SCUBE1: variants seen among roughly 807,000 people sequenced by gnomAD.
SCUBE1 encodes signal peptide, CUB and EGF-like domain-containing protein 1.
SCUBE1 carries 59 observed loss-of-function variants against 124.4 expected under a neutral mutation model. The observed-to-expected ratio is 0.47, with a 90% CI of 0.38 to 0.59. The LOEUF (loss-of-function observed/expected upper bound fraction) is 0.59, where lower values mean the gene tolerates loss of function less well. Ranked by LOEUF, SCUBE1 falls within the 20% of genes least tolerant of loss-of-function variation. The pLI is 0.00. For missense variants in SCUBE1, 1,150 were observed against 1,371.2 expected, an observed-to-expected ratio of 0.84 and a Z score of 2.55; for synonymous variants, 545 against 550.9, an observed-to-expected ratio of 0.99 and a Z score of 0.15.
chr22:43,293,800 T>TAAAGCAAACCA (rs1359571644), intron 3 of SCUBE1, among the ~76,000 whole-genome samples: 1 of 152,198 alleles, frequency 6.6e-6, no homozygotes, highest in African/African-American at 2.4e-5. Flanking sequence ...GGTCCGACTG[T>TAAAGCAAACCA]AAAGCAAACC....
chr22:43,214,048 C>CCCCCCCCCCCCCCCCCCCCCCCCCTCT, intron 16 of SCUBE1, 42 bp downstream of exon 16: 1 of 227,744 alleles, frequency 4.4e-6, no homozygotes, highest in Admixed American at 6.5e-5. Flanking sequence ...GGAGCCCCCG[C>CCCCCCCCCCCCCCCCCCCCCCCCCTCT]CCACCCCCCA....
intron 2 of SCUBE1, among the ~76,000 whole-genome samples, chr22:43,323,463 T>C (rs1331756731): frequency 6.6e-6 from 1 of 152,116 alleles, no homozygotes; most frequent in Non-Finnish European, 1.5e-5. Flanking sequence ...CAATCACCTA[T>C]TCACCCATCC....
intron 2 of SCUBE1, among the ~76,000 whole-genome samples, chr22:43,335,850 A>G (rs544012350): frequency 0.013 from 1,852 of 145,194 alleles, 42 homozygotes; most frequent in African/African-American, 0.045. Context: ...GATAATGATG[A>G]TGGTGGTGAT....
chr22:43,335,994 A>G (rs1410261166), intron 2 of SCUBE1, among the ~76,000 whole-genome samples: 1 of 151,854 alleles, frequency 6.6e-6, no homozygotes, highest in Non-Finnish European at 1.5e-5. Context: ...GATGATGATA[A>G]TGATGATGGT....
In SCUBE1 at chr22:43,200,624, C is replaced by CA. The variant is rs1328136084; in HGVS notation, c.*3372dup. 6.6e-6 allele frequency: 1 copy of CA among 152,386 alleles called. No individual in the cohort carries two copies. The highest frequency in any genetic ancestry group is 2.4e-5 in the African/African-American group (1 of 41,484). The allele number at this position is 152,386 out of a possible 1,614,324, so 9.4% of individuals were successfully genotyped here. On this transcript the variant is annotated 3_prime_UTR_variant, in exon 22 of 22. Transcript: ENST00000360835. ...CAGCTGTAGTTTAACGGGGGACCCCCAAGTTCCCTGGTGTGAGACTGATGT... is the reference window on the plus strand; with the variant it reads ...CAGCTGTAGTTTAACGGGGGACCCCCAAAGTTCCCTGGTGTGAGACTGATGT...
At chr22:43,304,548 C>T (rs1925895531) in intron 3 of SCUBE1, among the ~76,000 whole-genome samples, 1 of 152,012 alleles carries the variant, frequency 6.6e-6, no homozygotes. Context: ...AGGACCAGTG[C>T]AGAGAAAGGT....
At chr22:43,342,721 G>C (rs1927365410) in intron 1 of SCUBE1, among the ~76,000 whole-genome samples, 1 of 151,480 alleles carries the variant, frequency 6.6e-6, no homozygotes, top group South Asian at 2.1e-4. Flanking sequence ...TCTTCTGTCC[G>C]TCTGTCCCGC....
rs983088565 is a variant in SCUBE1, at chr22:43,234,897, C to T, written c.845-3022G>A. On this transcript the variant is annotated intron_variant, in intron 7 of 21. Coordinates refer to ENST00000360835, the MANE Select transcript of SCUBE1 (RefSeq NM_173050.5). The surrounding 1 kb of genome is among the most constrained non-coding windows in gnomAD (Gnocchi z 4.4). ...CCAGGCTGCTTGGCTCCTGCCCTGG[C>T]AGCCTGGACTCCAGTGACCGCACCC... is the stretch of plus-strand genomic sequence containing the variant. 6.6e-6 allele frequency among the ~76,000 whole-genome samples: 1 copy of T among 152,176 alleles called. No individual in the cohort carries two copies. Among genetic ancestry groups the T allele is most frequent in the Non-Finnish European group, 1.5e-5 (1 of 68,020 alleles).
chr22:43,331,256 T>C (rs958729021), intron 2 of SCUBE1, among the ~76,000 whole-genome samples: 12 of 152,202 alleles, frequency 7.9e-5, no homozygotes, highest in African/African-American at 1.2e-4. Flanking sequence ...ATTATTTACA[T>C]TCATTACATA....
At chr22:43,331,690 G>C (rs1297642142) in intron 2 of SCUBE1, among the ~76,000 whole-genome samples, 2 of 152,188 alleles carry the variant, frequency 1.3e-5, no homozygotes, top group Admixed American at 1.3e-4. Flanking sequence ...TGAAAACAAG[G>C]CAATTAAGGT....
chr22:43,306,444 G>A lies in SCUBE1; in HGVS notation c.349+13493C>T, dbSNP rs113684066. Among the ~76,000 whole-genome samples the A allele has an allele frequency of 3.1e-3, 470 of 152,216 alleles. 1 individual carries two copies. The highest frequency in any genetic ancestry group is 6.8e-3 in the Middle Eastern group (2 of 294). ...TATTCTCTGCTCTGAGACAGAGCGG[G>A]GCTTCTTCCTCAAGCCACCAAATTG... On this transcript the variant is annotated intron_variant, in intron 3 of 21. Transcript: ENST00000360835.
chr22:43,203,773 G>T lies in SCUBE1; in HGVS notation c.*224C>A. On this transcript the variant is annotated 3_prime_UTR_variant, in exon 22 of 22. Coordinates refer to ENST00000360835, the MANE Select transcript of SCUBE1 (RefSeq NM_173050.5). The stretch of plus-strand genomic sequence containing the variant: ...AGGGCGCTCTTGGTGTCCTGGGGAA[G>T]GGAGGCAGAGGGAGGGAGGGAGGCT... 1 of 540,658 alleles carries T rather than the reference G, an allele frequency of 1.8e-6. No individual in the cohort carries two copies. The highest frequency in any genetic ancestry group is 3.3e-6 in the Non-Finnish European group (1 of 303,354). 33.5% of individuals were successfully genotyped at this position (540,658 alleles called of 1,614,324 possible).
intron 12 of SCUBE1, 130 bp from the exon 13 acceptor site, chr22:43,221,419 C>T (rs570715661): frequency 2.1e-5 from 14 of 654,068 alleles, no homozygotes; most frequent in South Asian, 6.9e-5. Flanking sequence ...CCCTGTGCCC[C>T]GACAGCTCTC....
intron 6 of SCUBE1, among the ~76,000 whole-genome samples, chr22:43,256,715 G>A (rs1923674271): frequency 1.3e-5 from 2 of 152,212 alleles, no homozygotes; most frequent in South Asian, 2.1e-4. Flanking sequence ...CACTGCCCCC[G>A]GGCCACAGAG....
chr22:43,221,132 A>G, intron 13 of SCUBE1, 41 bp downstream of exon 13: 2 of 1,516,514 alleles, frequency 1.3e-6, no homozygotes, highest in South Asian at 1.1e-5. Context: ...ACTCTCCTAC[A>G]GCCCCGTTGG....
At chr22:43,249,780 G>A (rs576151336) in intron 6 of SCUBE1, among the ~76,000 whole-genome samples, 121 of 152,372 alleles carry the variant, frequency 7.9e-4, no homozygotes, top group African/African-American at 2.8e-3. Flanking sequence ...CCTGAGTGCA[G>A]CCACGCGGCC....
rs879740287 is a variant in SCUBE1 at position 43,198,954 on chromosome 22, G to T, written c.*5043C>A. The T allele has an allele frequency of 2.7e-6, 1 of 364,828 alleles. No individual in the cohort carries two copies. The highest frequency in any genetic ancestry group is 5.3e-6 in the Non-Finnish European group (1 of 187,798). 22.6% of individuals were successfully genotyped at this position (364,828 alleles called of 1,614,324 possible). ...AGTTTGTCTGTCTGTCTGCTGTCCGGGGCAGTTTTTCTGTCTGCTGTCCGG... is the reference window on the plus strand; with the variant it reads ...AGTTTGTCTGTCTGTCTGCTGTCCGTGGCAGTTTTTCTGTCTGCTGTCCGG... On this transcript the variant is annotated 3_prime_UTR_variant, in exon 22 of 22. Transcript: ENST00000360835.
At chr22:43,253,796 C>T (rs868397389) in intron 6 of SCUBE1, among the ~76,000 whole-genome samples, 39 of 152,208 alleles carry the variant, frequency 2.6e-4, no homozygotes, top group African/African-American at 9.2e-4. Context: ...CTGGGAAGGT[C>T]GCGGGGTACC....
chr22:43,300,729 A>G (rs958428169), intron 3 of SCUBE1, among the ~76,000 whole-genome samples: 2 of 152,110 alleles, frequency 1.3e-5, no homozygotes, highest in African/African-American at 4.8e-5. Context: ...TCAGGAGTTC[A>G]GTGCAGGTCA....
Sources: allele counts gnomAD v4.1 joint callset (sites outside exome capture counted in the v4.1 genomes callset), GRCh38; gene constraint gnomAD v4.1.1; non-coding constraint Gnocchi (gnomAD v3.1); transcripts MANE v1.5; gene names NCBI Gene and HGNC (gene_info 2026-07-23, HGNC 2026-07-21).